Variants in LMBR1 observed in about 807,000 individuals in gnomAD.
LMBR1 encodes the protein limb region 1 protein homolog.
In LMBR1, 52 loss-of-function variants were observed where a neutral mutation model predicts 73.9. The ratio of observed to expected loss-of-function variants is 0.70; its 90% confidence interval spans 0.56 to 0.89. The LOEUF is 0.89. LMBR1 is among the 40% of genes least tolerant of loss of function. The probability of loss-of-function intolerance (pLI) is 0.00; values close to 1 mark genes in which losing one functional copy is unlikely to be tolerated. For missense variants in LMBR1, 539 were observed against 579.8 expected, an observed-to-expected ratio of 0.93 and a Z score of 0.72; for synonymous variants, 215 against 209.4, an observed-to-expected ratio of 1.03 and a Z score of -0.23.
chr7:156,877,272 C>T (rs1211631128), intron 1 of LMBR1, among the ~76,000 whole-genome samples: 2 of 150,252 alleles, frequency 1.3e-5, no homozygotes, highest in Admixed American at 1.3e-4. Context: ...TTAAAAATTA[C>T]CAAAAAAAAA....
intron 1 of LMBR1, 194 bp downstream of exon 1, chr7:156,892,734 G>T: frequency 2.5e-6 from 1 of 398,404 alleles, no homozygotes; most frequent in Non-Finnish European, 4.4e-6. Flanking sequence ...GGGAGGGGAG[G>T]GGAGAGGAGA....
At chr7:156,706,163 A>C (rs908697353) in intron 15 of LMBR1, among the ~76,000 whole-genome samples, 1 of 152,008 alleles carries the variant, frequency 6.6e-6, no homozygotes, top group Non-Finnish European at 1.5e-5. Context: ...ACAGTTAAAA[A>C]AAAAAAAAGA....
At chr7:156,843,452 C>T (rs921539729) in intron 1 of LMBR1, among the ~76,000 whole-genome samples, 1 of 152,170 alleles carries the variant, frequency 6.6e-6, no homozygotes, top group African/African-American at 2.4e-5. Context: ...GCAACGAAAG[C>T]ACTTGACCAA....
intron 1 of LMBR1, among the ~76,000 whole-genome samples, chr7:156,859,337 C>T (rs1797415381): frequency 1.3e-5 from 2 of 150,836 alleles, no homozygotes; most frequent in African/African-American, 4.9e-5. Flanking sequence ...CCGTATCATA[C>T]TGGAAGTCCT....
chr7:156,731,714 A>G (rs1348494856), intron 10 of LMBR1, among the ~76,000 whole-genome samples: 1 of 152,184 alleles, frequency 6.6e-6, no homozygotes, highest in African/African-American at 2.4e-5. Flanking sequence ...TAAAAATACA[A>G]ATCAGGAACA....
intron 10 of LMBR1, among the ~76,000 whole-genome samples, chr7:156,733,170 A>G (rs1440705860): frequency 6.6e-6 from 1 of 152,094 alleles, no homozygotes; most frequent in East Asian, 1.9e-4. Flanking sequence ...ACAAAACAAA[A>G]AGAAATACTA....
chr7:156,882,855 C>A (rs1801307190), intron 1 of LMBR1, among the ~76,000 whole-genome samples: 1 of 151,918 alleles, frequency 6.6e-6, no homozygotes, highest in Admixed American at 6.6e-5. Flanking sequence ...CACAGTGAAA[C>A]CCCGTCTCTA....
chr7:156,713,122 A>G (rs1166610815), intron 15 of LMBR1, among the ~76,000 whole-genome samples: 1 of 152,250 alleles, frequency 6.6e-6, no homozygotes, highest in African/African-American at 2.4e-5. Flanking sequence ...TATACGTTAA[A>G]TGAAAGAAAC....
At chr7:156,769,539 T>A (rs1430205950) in intron 5 of LMBR1, among the ~76,000 whole-genome samples, 2 of 152,292 alleles carry the variant, frequency 1.3e-5, no homozygotes, top group Admixed American at 6.5e-5. Context: ...CTCTGCACCA[T>A]CCAATCTCAT....
chr7:156,837,309 T>C (rs2133928369), intron 1 of LMBR1, among the ~76,000 whole-genome samples: 1 of 144,206 alleles, frequency 6.9e-6, no homozygotes, highest in Non-Finnish European at 1.5e-5. Context: ...CACTCTAGCC[T>C]GGGCAACAAG....
chr7:156,708,398 G>C (rs1811415223), intron 15 of LMBR1, among the ~76,000 whole-genome samples: 1 of 152,108 alleles, frequency 6.6e-6, no homozygotes, highest in Non-Finnish European at 1.5e-5. Context: ...ATGGGAAAAG[G>C]ATTTAACCTT....
intron 1 of LMBR1, among the ~76,000 whole-genome samples, chr7:156,850,322 T>C (rs893455401): frequency 1.6e-4 from 24 of 152,202 alleles, no homozygotes; most frequent in Non-Finnish European, 3.1e-4. Flanking sequence ...TCCAGAATCA[T>C]ACACCAAATA....
At chr7:156,729,948 G>A (rs1340227545) in intron 10 of LMBR1, among the ~76,000 whole-genome samples, 1 of 152,154 alleles carries the variant, frequency 6.6e-6, no homozygotes, top group Admixed American at 6.5e-5. Context: ...AATGAAAATT[G>A]AGGGGCCAAT....
At chr7:156,707,148 T>C (rs1040786446) in intron 15 of LMBR1, among the ~76,000 whole-genome samples, 2 of 152,098 alleles carry the variant, frequency 1.3e-5, no homozygotes, top group African/African-American at 4.8e-5. Flanking sequence ...ATGGATAAAT[T>C]ACTGGCTAGA....
At chr7:156,690,634 G>A (rs1339394854) in intron 15 of LMBR1, among the ~76,000 whole-genome samples, 1 of 152,178 alleles carries the variant, frequency 6.6e-6, no homozygotes, top group African/African-American at 2.4e-5. Flanking sequence ...ATCATCAGAT[G>A]TTTTGGTTTT....
chr7:156,762,741 G>C (rs1455153600), intron 7 of LMBR1, among the ~76,000 whole-genome samples: 4 of 151,988 alleles, frequency 2.6e-5, no homozygotes, highest in African/African-American at 9.7e-5. Context: ...ATTATGACAG[G>C]TATGGGGGTG....
In LMBR1 at chr7:156,685,544, C is replaced by T. The variant is rs1035599427; in HGVS notation, c.1388-1381G>A. Among the ~76,000 whole-genome samples, 4 of 152,192 alleles carry T rather than the reference C, an allele frequency of 2.6e-5. No individual in the cohort carries two copies. Among genetic ancestry groups the T allele is most frequent in the African/African-American group, 4.8e-5 (2 of 41,446 alleles). On this transcript the variant is annotated intron_variant, in intron 16 of 16. Transcript: ENST00000353442. The surrounding 1 kb of genome is among the most constrained non-coding windows in gnomAD (Gnocchi z 4.1). ...ACTGTCCTGAGTGCTGCAGCCACTG[C>T]GGCACCATGGCACATATCTGTGCAT... is the stretch of plus-strand genomic sequence containing the variant.
At chr7:156,765,987 A>G (rs1563310688) in intron 5 of LMBR1, among the ~76,000 whole-genome samples, 1 of 152,212 alleles carries the variant, frequency 6.6e-6, no homozygotes, top group Non-Finnish European at 1.5e-5. Flanking sequence ...CACTGTAACA[A>G]TAATTTTTAG....
intron 4 of LMBR1, among the ~76,000 whole-genome samples, chr7:156,825,299 AACT>A (rs1835486220): frequency 3.3e-5 from 5 of 152,230 alleles, no homozygotes; most frequent in Non-Finnish European, 5.9e-5. Flanking sequence ...AACACCAACT[AACT>A]ACATTAACAA....
Sources: gnomAD v4.1 joint callset for allele counts (sites outside exome capture counted in the v4.1 genomes callset) on GRCh38, gnomAD v4.1.1 for gene constraint, Gnocchi (gnomAD v3.1) non-coding constraint, MANE v1.5 for transcripts, NCBI Gene and HGNC (gene_info 2026-07-23, HGNC 2026-07-21) for gene names.